The following NRDE2 variants were observed in gnomAD, a reference collection of about 807,000 sequenced individuals.
The protein encoded by NRDE2 is nuclear exosome regulator NRDE2.
NRDE2 carries 76 observed loss-of-function variants against 124.2 expected under a neutral mutation model. The ratio of observed to expected loss-of-function variants is 0.61; its 90% CI spans 0.51 to 0.74. The LOEUF is 0.74. NRDE2 is among the 30% of genes least tolerant of loss of function. The probability of loss-of-function intolerance (pLI) is 0.00; values close to 1 mark genes in which losing one functional copy is unlikely to be tolerated. For missense variants in NRDE2, 1,314 were observed against 1,417.3 expected (o/e 0.93, Z 1.17); for synonymous variants, 489 against 528.1 (o/e 0.93, Z 1.01).
chr14:90,313,443 T>G (rs1477760044), intron 3 of NRDE2, among the ~76,000 whole-genome samples: 1 of 152,072 alleles, frequency 6.6e-6, no homozygotes, highest in African/African-American at 2.4e-5. Context: ...ATTTTTATGG[T>G]CTGGACTCTG....
chr14:90,303,946 CAA>C lies in NRDE2; in HGVS notation c.992_993del (p.Phe331CysfsTer44). 6.2e-7 allele frequency: 1 copy of C among 1,605,158 alleles called. No homozygotes were observed. The highest frequency in any genetic ancestry group is 1.3e-5 in the African/African-American group (1 of 74,890). ...NPRDTQLWMA[F>X]VAFQDEVMKS... ...ATGGCAACACATACCTGAAAAGCAA[CAA>C]ATGCCATCCACAGCTGCGTATCCCG... On this transcript the variant is annotated frameshift_variant, in exon 5 of 14. Transcript: ENST00000354366. LOFTEE classifies it high-confidence loss of function.
At chr14:90,297,531 A>T (rs999469880) in intron 8 of NRDE2, among the ~76,000 whole-genome samples, 1 of 152,210 alleles carries the variant, frequency 6.6e-6, no homozygotes, top group Admixed American at 6.5e-5. Flanking sequence ...ACAGTTATGT[A>T]AATGCTAGGT....
intron 1 of NRDE2, among the ~76,000 whole-genome samples, chr14:90,321,807 A>C (rs576935957): frequency 6.6e-6 from 1 of 152,298 alleles, no homozygotes; most frequent in East Asian, 1.9e-4. Flanking sequence ...TAGTCCATGG[A>C]CTTCCAAACT....
At chr14:90,316,455 AT>A in intron 3 of NRDE2, 122 bp downstream of exon 3, 1 of 683,440 alleles carries the variant, frequency 1.5e-6, no homozygotes, top group Non-Finnish European at 2.5e-6. Context: ...AGCTGATATA[AT>A]GGTAGAGCTC....
Position 90,298,267 on chromosome 14 carries a change from G to A in NRDE2, c.1659C>T (p.Ile553=). The A allele has an allele frequency of 6.2e-7, 1 of 1,613,574 alleles. No individual in the cohort carries two copies. Among genetic ancestry groups the A allele is most frequent in the South Asian group, 1.1e-5 (1 of 91,076 alleles). ...HQQERGGWVV[I]NPDEDDDEPE... ...CAATGAGAGGTGACTTACCTGGGTT[G>A]ATGACCACCCAGCCACCTCGTTCCT... is the stretch of plus-strand genomic sequence containing the variant. Residue 553 remains isoleucine, a synonymous_variant, in exon 8 of 14, where the codon ATC becomes ATT. Coordinates refer to ENST00000354366, the MANE Select transcript of NRDE2 (RefSeq NM_017970.4).
At chr14:90,323,075 T>G (rs1453536801) in intron 1 of NRDE2, among the ~76,000 whole-genome samples, 5 of 152,238 alleles carry the variant, frequency 3.3e-5, no homozygotes, top group African/African-American at 1.2e-4. Flanking sequence ...TACATTGTAT[T>G]ATGCATACAC....
At chr14:90,290,947 C>A (rs1397341685) in intron 9 of NRDE2, among the ~76,000 whole-genome samples, 1 of 152,190 alleles carries the variant, frequency 6.6e-6, no homozygotes, top group Non-Finnish European at 1.5e-5. Context: ...CTTCTGAAAG[C>A]ATACATAATT....
Position 90,272,536 on chromosome 14 carries a change from T to C in NRDE2, c.*5800A>G, listed in dbSNP as rs1891697042. 4 of 621,646 alleles carry C rather than the reference T, an allele frequency of 6.4e-6. No individual in the cohort carries two copies. In the South Asian group the frequency reaches 8.4e-5, roughly 13 times the overall value. The allele number at this position is 621,646 out of a possible 1,614,324, so 38.5% of individuals were successfully genotyped here. ...TTATTAGCAAAACATCCTGTGTCTT[T>C]TGGAGTACGATGTGTAAGTGCCCAT... On this transcript the variant is annotated 3_prime_UTR_variant, in exon 14 of 14. Coordinates refer to ENST00000354366, the MANE Select transcript of NRDE2 (RefSeq NM_017970.4). This position sits in a 1 kb window ranked among gnomAD's most constrained non-coding sequence, Gnocchi z 4.5.
intron 12 of NRDE2, 197 bp from the exon 13 acceptor site, chr14:90,279,330 G>T: frequency 1.8e-6 from 1 of 565,386 alleles, no homozygotes; most frequent in Non-Finnish European, 3.2e-6. Context: ...CTGTGTTGGG[G>T]TTGTTTCCTC....
chr14:90,286,573 T>C (rs1401409845), intron 11 of NRDE2, 81 bp from the exon 12 acceptor site: 1 of 1,513,718 alleles, frequency 6.6e-7, no homozygotes. Context: ...TGAGTGATGA[T>C]AAGTGTCAGC....
At chr14:90,286,702 A>C (rs1307474399) in intron 11 of NRDE2, among the ~76,000 whole-genome samples, 5 of 152,202 alleles carry the variant, frequency 3.3e-5, no homozygotes, top group Admixed American at 6.5e-5. Flanking sequence ...TCCACACCAC[A>C]TCGAATCTGT....
intron 4 of NRDE2, among the ~76,000 whole-genome samples, chr14:90,309,354 T>C (rs1387158761): frequency 2.0e-5 from 3 of 150,802 alleles, no homozygotes; most frequent in Non-Finnish European, 4.4e-5. Context: ...TCGCCTGTAG[T>C]CCCAGCTATT....
chr14:90,286,672 C>G (rs1434745137), intron 11 of NRDE2, among the ~76,000 whole-genome samples, 180 bp from the exon 12 acceptor site: 1 of 152,186 alleles, frequency 6.6e-6, no homozygotes, highest in Non-Finnish European at 1.5e-5. Context: ...GGAGAAGGCA[C>G]AGGCCAGAGT....
rs574002536 is a variant in NRDE2, at chr14:90,321,491, C to T, written c.65-3378G>A. ...CTTTGGGAAGCTGAGAAGGGAGGAC[C>T]ACTGGAGCCCAGGAGTTCAAACGAG... On this transcript the variant is annotated intron_variant, in intron 1 of 13. Transcript: ENST00000354366. Among the ~76,000 whole-genome samples the T allele has an allele frequency of 2.7e-3, 398 of 149,192 alleles. 1 individual carries two copies. The highest frequency in any genetic ancestry group is 0.014 in the Middle Eastern group (4 of 294).
In NRDE2 at chr14:90,278,198, C is replaced by T; in HGVS notation, c.*138G>A. ...AAGTGTGCAAGATGTGAGAGGCTGG[C>T]AGCCCACATTATTACTATCGAGAAA... On this transcript the variant is annotated 3_prime_UTR_variant, in exon 14 of 14. Transcript: ENST00000354366. 1 of 973,268 alleles carries T rather than the reference C, an allele frequency of 1.0e-6. No homozygotes were observed. Among genetic ancestry groups the T allele is most frequent in the Non-Finnish European group, 1.5e-6 (1 of 657,666 alleles). The allele number at this position is 973,268 out of a possible 1,614,324, so 60.3% of individuals were successfully genotyped here. A position where few individuals can be genotyped will look rare whatever the true frequency, so the allele number is the denominator to read the frequency against.
chr14:90,292,644 A>G (rs1892300924), intron 9 of NRDE2, 53 bp downstream of exon 9: 2 of 1,573,500 alleles, frequency 1.3e-6, no homozygotes, highest in Non-Finnish European at 1.7e-6. Context: ...TGGGAATGGA[A>G]AGCAGGCAGG....
At chr14:90,299,770 C>A (rs528301567) in intron 7 of NRDE2, among the ~76,000 whole-genome samples, 209 of 152,198 alleles carry the variant, frequency 1.4e-3, no homozygotes, top group African/African-American at 5.0e-3. Flanking sequence ...AGAGGTCTGG[C>A]TCTTGTAAGA....
chr14:90,308,194 C>T (rs1173537580), intron 4 of NRDE2, among the ~76,000 whole-genome samples: 1 of 152,086 alleles, frequency 6.6e-6, no homozygotes, highest in Non-Finnish European at 1.5e-5. Flanking sequence ...CAATCTATTC[C>T]AAAAATGGAG....
At position 90,272,131 on chromosome 14, in the gene NRDE2, C is replaced by T. The variant is rs1254856185; in HGVS notation, c.*6205G>A. The T allele has an allele frequency of 1.1e-5, 9 of 790,588 alleles. No homozygotes were observed. Among genetic ancestry groups the T allele is most frequent in the African/African-American group, 3.6e-5 (2 of 55,204 alleles). 49.0% of individuals were successfully genotyped at this position (790,588 alleles called of 1,614,324 possible). ...CTGGTCTTGAACTCCTGACCTTAGG[C>T]GATCCACCTGCCTCGGCCTCCCAGA... is the stretch of plus-strand genomic sequence containing the variant. On this transcript the variant is annotated 3_prime_UTR_variant, in exon 14 of 14. Transcript: ENST00000354366. This position sits in a 1 kb window ranked among gnomAD's most constrained non-coding sequence, Gnocchi z 4.5.
Sources: gnomAD v4.1 joint callset for allele counts (sites outside exome capture counted in the v4.1 genomes callset) on GRCh38, gnomAD v4.1.1 for gene constraint, Gnocchi (gnomAD v3.1) non-coding constraint, MANE v1.5 for transcripts, NCBI Gene and HGNC (gene_info 2026-07-23, HGNC 2026-07-21) for gene names.